SNX29: variants seen among roughly 807,000 people sequenced by gnomAD.
SNX29 encodes sorting nexin 29.
SNX29 carries 78 observed loss-of-function variants against 102.1 expected under a neutral mutation model. The observed-to-expected ratio is 0.76, with a 90% CI of 0.64 to 0.92. The LOEUF is 0.92. Ranked by LOEUF, SNX29 falls within the 40% of genes least tolerant of loss-of-function variation. The probability of loss-of-function intolerance (pLI) is 0.00; values close to 1 mark genes in which losing one functional copy is unlikely to be tolerated. For missense variants in SNX29, 1,280 were observed against 1,061.7 expected (o/e 1.21, Z -2.86); for synonymous variants, 580 against 414.5 (o/e 1.40, Z -4.85).
At chr16:12,029,551 T>A (rs2057282541) in intron 4 of SNX29, 1 of 453,690 alleles carries the variant, frequency 2.2e-6, no homozygotes, top group Admixed American at 2.4e-5. Context: ...CCACTGCCGT[T>A]ATTGGCGTTT....
intron 20 of SNX29, among the ~76,000 whole-genome samples, chr16:12,549,459 A>G (rs1023193020): frequency 6.6e-6 from 1 of 151,172 alleles, no homozygotes; most frequent in East Asian, 2.0e-4. Flanking sequence ...TGCACCATTG[A>G]ACTCCAGCGT....
chr16:12,342,681 C>T (rs2081645040), intron 15 of SNX29, among the ~76,000 whole-genome samples: 1 of 152,104 alleles, frequency 6.6e-6, no homozygotes, highest in Admixed American at 6.5e-5. Flanking sequence ...GCTCCTATGG[C>T]CACCATTTTT....
intron 3 of SNX29, among the ~76,000 whole-genome samples, chr16:12,022,777 C>T (rs1232819767): frequency 5.3e-5 from 8 of 152,080 alleles, no homozygotes; most frequent in African/African-American, 1.9e-4. Flanking sequence ...TCTGTATTTA[C>T]CCTTCTTAGC....
chr16:12,540,144 G>A (rs993910542), intron 20 of SNX29, among the ~76,000 whole-genome samples: 2 of 152,146 alleles, frequency 1.3e-5, no homozygotes, highest in South Asian at 4.1e-4. Flanking sequence ...AAGTTTTATA[G>A]CTTTACATTT....
intron 11 of SNX29, among the ~76,000 whole-genome samples, chr16:12,110,159 G>A (rs973353688): frequency 3.3e-5 from 5 of 152,192 alleles, no homozygotes; most frequent in Non-Finnish European, 5.9e-5. Context: ...CAGAACTGCA[G>A]CTCACGTGTC....
intron 14 of SNX29, among the ~76,000 whole-genome samples, chr16:12,226,880 G>A (rs1357876873): frequency 6.6e-6 from 1 of 152,056 alleles, no homozygotes; most frequent in African/African-American, 2.4e-5. Flanking sequence ...GCCCCACTGA[G>A]CCTTCAGGTT....
At chr16:12,161,464 A>T (rs2055782571) in intron 13 of SNX29, among the ~76,000 whole-genome samples, 1 of 152,200 alleles carries the variant, frequency 6.6e-6, no homozygotes, top group Admixed American at 6.5e-5. Context: ...TTTAAGTGGC[A>T]TGGCATCACT....
At chr16:12,318,510 C>T (rs542095916) in intron 15 of SNX29, among the ~76,000 whole-genome samples, 42 of 152,246 alleles carry the variant, frequency 2.8e-4, no homozygotes, top group African/African-American at 8.4e-4. Flanking sequence ...TCATTCCCAT[C>T]CTCTGTTGGT....
At chr16:12,235,482 T>C (rs1183179385) in intron 14 of SNX29, among the ~76,000 whole-genome samples, 1 of 152,166 alleles carries the variant, frequency 6.6e-6, no homozygotes, top group Non-Finnish European at 1.5e-5. Flanking sequence ...TTTTTTTTTG[T>C]GCACTACTGC....
chr16:12,220,750 C>A (rs954530290), intron 14 of SNX29, among the ~76,000 whole-genome samples: 8 of 152,130 alleles, frequency 5.3e-5, no homozygotes, highest in African/African-American at 1.9e-4. Flanking sequence ...TGAAAATGAT[C>A]TTTTAAGCTT....
At chr16:12,310,773 C>T (rs1277023780) in intron 15 of SNX29, among the ~76,000 whole-genome samples, 1 of 152,114 alleles carries the variant, frequency 6.6e-6, no homozygotes, top group Non-Finnish European at 1.5e-5. Context: ...GTGCACTCTG[C>T]TGTCTGCTGG....
At chr16:12,168,936 G>A (rs1198714405) in intron 13 of SNX29, among the ~76,000 whole-genome samples, 2 of 152,174 alleles carry the variant, frequency 1.3e-5, no homozygotes, top group Non-Finnish European at 2.9e-5. Flanking sequence ...GTGGGGTGAG[G>A]AGGGTGGTGG....
rs1025798709 is a variant in SNX29 at position 12,571,201 on chromosome 16, A to C, written c.*2572A>C. The C allele has an allele frequency of 1.7e-5, 4 of 232,346 alleles. No homozygotes were observed. Among genetic ancestry groups the C allele is most frequent in the South Asian group, 3.6e-4 (2 of 5,512 alleles). 14.4% of individuals were successfully genotyped at this position (232,346 alleles called of 1,614,324 possible). On this transcript the variant is annotated 3_prime_UTR_variant, in exon 21 of 21. Coordinates refer to ENST00000566228, the MANE Select transcript of SNX29 (RefSeq NM_032167.5). ...TGTGGTGGGATGAACTTCAGGCAACAAACAACTGGCAGGGTTCCCAGTTCC... is the reference window on the plus strand; with the variant it reads ...TGTGGTGGGATGAACTTCAGGCAACCAACAACTGGCAGGGTTCCCAGTTCC...
chr16:12,559,277 C>T (rs1371717558), intron 20 of SNX29, among the ~76,000 whole-genome samples: 1 of 152,090 alleles, frequency 6.6e-6, no homozygotes, highest in Non-Finnish European at 1.5e-5. Flanking sequence ...AGATCAGCAG[C>T]AGCACTGCAT....
intron 20 of SNX29, among the ~76,000 whole-genome samples, chr16:12,535,330 G>C (rs2077044574): frequency 6.6e-6 from 1 of 152,154 alleles, no homozygotes; most frequent in African/African-American, 2.4e-5. Context: ...GTAGAGATGA[G>C]GTTTCGTGTT....
At chr16:12,037,104 C>A (rs1422960725) in intron 4 of SNX29, among the ~76,000 whole-genome samples, 2 of 152,030 alleles carry the variant, frequency 1.3e-5, no homozygotes, top group Admixed American at 1.3e-4. Flanking sequence ...AGAGATCCTA[C>A]TTCTAGAACG....
chr16:12,197,953 C>T (rs944571704), intron 13 of SNX29, among the ~76,000 whole-genome samples: 19 of 152,016 alleles, frequency 1.2e-4, no homozygotes, highest in South Asian at 6.2e-4. Context: ...TGAAAACAGA[C>T]GCTCGGCACC....
rs1270695580 is a variant in SNX29, at chr16:12,057,821, TA to T, written c.1125-3706del. 7.2e-5 allele frequency among the ~76,000 whole-genome samples: 5 copies of T among 69,574 alleles called. No homozygotes were observed. In the East Asian group the frequency reaches 9.7e-4, roughly 14 times the overall value. 45.6% of individuals were successfully genotyped at this position (69,574 alleles called of 152,430 possible). On this transcript the variant is annotated intron_variant, in intron 8 of 20. Coordinates refer to ENST00000566228, the MANE Select transcript of SNX29 (RefSeq NM_032167.5). Reference sequence around the variant, plus strand: ...TATACATATATATATATATTTTATATATATATTTTTTTTTGAGCTGGGTTCT... The same window carrying T: ...TATACATATATATATATATTTTATATTATATTTTTTTTTGAGCTGGGTTCT...
intron 20 of SNX29, among the ~76,000 whole-genome samples, chr16:12,547,977 T>C (rs1327739834): frequency 6.6e-6 from 1 of 152,170 alleles, no homozygotes; most frequent in African/African-American, 2.4e-5. Context: ...GGAGACAGCA[T>C]GGCACAGGGG....
Sources: gnomAD v4.1 joint callset for allele counts (sites outside exome capture counted in the v4.1 genomes callset) on GRCh38, gnomAD v4.1.1 for gene constraint, MANE v1.5 for transcripts, NCBI Gene and HGNC (gene_info 2026-07-23, HGNC 2026-07-21) for gene names.